The following IQCJ variants were observed in gnomAD, a reference collection of about 807,000 sequenced individuals.
IQCJ encodes the protein IQ domain-containing protein J.
IQCJ carries 9 observed loss-of-function variants against 11.0 expected under a neutral mutation model. That is an observed-to-expected ratio of 0.82 (90% CI 0.49 to 1.43). The LOEUF is 1.43. Among genes scored for constraint, IQCJ ranks in the 40% most tolerant of loss-of-function variants. The pLI, the probability that IQCJ is intolerant of heterozygous loss-of-function variation, is 0.00. For missense variants in IQCJ, 146 were observed against 133.2 expected, an observed-to-expected ratio of 1.10 and a Z score of -0.47; for synonymous variants, 55 against 51.3, an observed-to-expected ratio of 1.07 and a Z score of -0.31.
At chr3:159,112,082 C>T (rs1433615565) in intron 1 of IQCJ, among the ~76,000 whole-genome samples, 1 of 152,108 alleles carries the variant, frequency 6.6e-6, no homozygotes, top group Non-Finnish European at 1.5e-5. Flanking sequence ...TCTTGTATGG[C>T]ACACTGTATG....
At chr3:159,205,130 C>T (rs1026829791) in intron 1 of IQCJ, among the ~76,000 whole-genome samples, 3 of 152,206 alleles carry the variant, frequency 2.0e-5, no homozygotes, top group African/African-American at 7.2e-5. Flanking sequence ...ATTCTCACTT[C>T]TGACACCAAC....
chr3:159,130,598 T>C (rs1307259989), intron 1 of IQCJ, among the ~76,000 whole-genome samples: 1 of 152,170 alleles, frequency 6.6e-6, no homozygotes, highest in African/African-American at 2.4e-5. Context: ...TGAAATAAAA[T>C]ACATTGTGTA....
chr3:159,163,182 G>C (rs561340959), intron 1 of IQCJ, among the ~76,000 whole-genome samples: 36 of 152,134 alleles, frequency 2.4e-4, no homozygotes, highest in African/African-American at 5.3e-4. Context: ...CAATAAAATA[G>C]TGGCAAACCG....
At chr3:159,149,269 G>C (rs531958191) in intron 1 of IQCJ, among the ~76,000 whole-genome samples, 1 of 152,234 alleles carries the variant, frequency 6.6e-6, no homozygotes, top group South Asian at 2.1e-4. Context: ...TGTGAACCAG[G>C]CTTTAATAAA....
intron 1 of IQCJ, among the ~76,000 whole-genome samples, chr3:159,113,348 G>T (rs571691292): frequency 6.6e-6 from 1 of 152,332 alleles, no homozygotes; most frequent in African/African-American, 2.4e-5. Context: ...TGCAGCCTTG[G>T]CGTACACAAA....
At chr3:159,133,451 G>A (rs575809079) in intron 1 of IQCJ, among the ~76,000 whole-genome samples, 1 of 152,098 alleles carries the variant, frequency 6.6e-6, no homozygotes, top group Non-Finnish European at 1.5e-5. Context: ...AATTAAATGA[G>A]TTTTTGAGCC....
intron 1 of IQCJ, among the ~76,000 whole-genome samples, chr3:159,108,460 G>C (rs762223009): frequency 3.3e-5 from 5 of 152,040 alleles, no homozygotes; most frequent in Non-Finnish European, 7.4e-5. Flanking sequence ...TTAATTTCTT[G>C]GATCAAAGGG....
intron 1 of IQCJ, among the ~76,000 whole-genome samples, chr3:159,185,838 G>A (rs182094685): frequency 2.0e-5 from 3 of 152,300 alleles, no homozygotes; most frequent in Non-Finnish European, 1.5e-5. Context: ...AGCTCTAAGA[G>A]AGAGAACCAG....
At chr3:159,077,779 C>T (rs1576987555) in intron 1 of IQCJ, among the ~76,000 whole-genome samples, 1 of 152,068 alleles carries the variant, frequency 6.6e-6, no homozygotes, top group South Asian at 2.1e-4. Flanking sequence ...AATTTTAAAA[C>T]ATGGGCATAT....
chr3:159,085,565 C>G (rs538007012), intron 1 of IQCJ, among the ~76,000 whole-genome samples: 42 of 147,252 alleles, frequency 2.9e-4, no homozygotes, highest in African/African-American at 9.8e-4. Context: ...TTCTCCACAT[C>G]CTCTCCAGCA....
chr3:159,245,873 G>T lies in IQCJ; in HGVS notation c.40G>T (p.Glu14Ter). ...ACTGAAAAGATTGCAGAATCCTCTA[G>T]AACAAGTTAATGATGGAAAATATTC... is the stretch of plus-strand genomic sequence containing the variant. ...EELKRLQNPL[E>*]QVNDGKYSFE... is the part of the protein sequence containing the mutation. The change falls in exon 2 of 4, where the codon GAA becomes TAA. Residue 14 changes from glutamate to a stop codon, truncating the protein, a stop_gained. Transcript: ENST00000397832. LOFTEE classifies it high-confidence loss of function. The T allele has an allele frequency of 6.5e-7, 1 of 1,546,434 alleles. No homozygotes were observed. Among genetic ancestry groups the T allele is most frequent in the Non-Finnish European group, 8.8e-7 (1 of 1,140,966 alleles).
intron 1 of IQCJ, among the ~76,000 whole-genome samples, chr3:159,201,697 G>A (rs560264596): frequency 2.7e-5 from 4 of 147,220 alleles, no homozygotes; most frequent in East Asian, 4.1e-4. Flanking sequence ...TGCAGTGGCG[G>A]GATCTCGGCT....
At chr3:159,202,260 C>A (rs1375407) in intron 1 of IQCJ, among the ~76,000 whole-genome samples, 2 of 151,986 alleles carry the variant, frequency 1.3e-5, no homozygotes, top group Non-Finnish European at 2.9e-5. Flanking sequence ...ATTTTGAAAT[C>A]TTCCAAAACA....
At chr3:159,248,719 A>G (rs1727417078) in intron 2 of IQCJ, among the ~76,000 whole-genome samples, 1 of 152,174 alleles carries the variant, frequency 6.6e-6, no homozygotes, top group Non-Finnish European at 1.5e-5. Context: ...GGGGTTGAGA[A>G]CCAGTAGTGA....
rs2108240113 is a variant in IQCJ at position 159,263,461 on chromosome 3, A to G, written c.*730A>G. On this transcript the variant is annotated 3_prime_UTR_variant, in exon 4 of 4. Coordinates refer to ENST00000397832, the MANE Select transcript of IQCJ (RefSeq NM_001042706.3). ...GAAGTCTTTATTTTTAAAAAACACC[A>G]AAAGTGGGAAGAAATCAGTGATGAG... 4 of 984,500 alleles carry G rather than the reference A, an allele frequency of 4.1e-6. No individual in the cohort carries two copies. The South Asian group carries it at 1.9e-4, about 46-fold the overall frequency. The allele number at this position is 984,500 out of a possible 1,614,324, so 61.0% of individuals were successfully genotyped here. A position where few individuals can be genotyped will look rare whatever the true frequency, so the allele number is the denominator to read the frequency against.
chr3:159,108,127 T>A (rs1333883609), intron 1 of IQCJ, among the ~76,000 whole-genome samples: 1 of 151,890 alleles, frequency 6.6e-6, no homozygotes, highest in African/African-American at 2.4e-5. Flanking sequence ...GAAAAGAGAA[T>A]TTGCACAATG....
intron 1 of IQCJ, among the ~76,000 whole-genome samples, chr3:159,076,542 A>C (rs1373584619): frequency 6.6e-6 from 1 of 152,104 alleles, no homozygotes; most frequent in Non-Finnish European, 1.5e-5. Context: ...CTAGTTCCTA[A>C]AAAGAAGCAT....
intron 1 of IQCJ, among the ~76,000 whole-genome samples, chr3:159,199,543 T>A (rs781638555): frequency 7.2e-5 from 11 of 152,212 alleles, no homozygotes; most frequent in Non-Finnish European, 1.3e-4. Context: ...ACTAAGTTTG[T>A]GGCAGTTTAT....
At chr3:159,130,980 T>C (rs1357820601) in intron 1 of IQCJ, among the ~76,000 whole-genome samples, 1 of 152,208 alleles carries the variant, frequency 6.6e-6, no homozygotes, top group African/African-American at 2.4e-5. Flanking sequence ...AAAATAAAAC[T>C]TTATCTTTCC....
Sources: allele counts gnomAD v4.1 joint callset (sites outside exome capture counted in the v4.1 genomes callset), GRCh38; gene constraint gnomAD v4.1.1; transcripts MANE v1.5; gene names NCBI Gene and HGNC (gene_info 2026-07-23, HGNC 2026-07-21).